Variants in AP3B1 observed in about 807,000 individuals in gnomAD.
AP3B1 encodes the protein adaptor related protein complex 3 subunit beta 1, also known as AP-3 complex subunit beta-1.
AP3B1 carries 61 observed loss-of-function variants against 132.5 expected under a neutral mutation model. The observed-to-expected ratio is 0.46, with a 90% confidence interval of 0.37 to 0.57. The LOEUF (loss-of-function observed/expected upper bound fraction) is 0.57, where lower values mean the gene tolerates loss of function less well. Among genes scored for constraint, AP3B1 ranks in the 20% least tolerant of loss-of-function variants. The pLI, the probability that AP3B1 is intolerant of heterozygous loss-of-function variation, is 0.00. For missense variants in AP3B1, 1,120 were observed against 1,289.4 expected (o/e 0.87, Z 2.01); for synonymous variants, 388 against 438.3 (o/e 0.89, Z 1.43).
intron 20 of AP3B1, among the ~76,000 whole-genome samples, chr5:78,105,165 T>C (rs950051817): frequency 9.2e-5 from 14 of 152,118 alleles, no homozygotes; most frequent in African/African-American, 3.4e-4. Context: ...AATTTAAAGT[T>C]TTTATCATTT....
intron 11 of AP3B1, among the ~76,000 whole-genome samples, chr5:78,169,006 T>C (rs1743785105): frequency 6.6e-6 from 1 of 152,222 alleles, no homozygotes; most frequent in Non-Finnish European, 1.5e-5. Context: ...CATTCTAATA[T>C]TGAACAGTCT....
chr5:78,204,148 T>C (rs1032705253), intron 7 of AP3B1, among the ~76,000 whole-genome samples: 1 of 152,188 alleles, frequency 6.6e-6, no homozygotes. Context: ...ACATTCCTCA[T>C]CGTTTTCTGC....
intron 19 of AP3B1, among the ~76,000 whole-genome samples, chr5:78,111,224 C>G (rs1751576858): frequency 6.6e-6 from 1 of 152,118 alleles, no homozygotes; most frequent in African/African-American, 2.4e-5. Context: ...AAAGTACTAT[C>G]TTGCTAAAAA....
At chr5:78,221,532 A>G (rs896240369) in intron 6 of AP3B1, among the ~76,000 whole-genome samples, 8 of 151,980 alleles carry the variant, frequency 5.3e-5, no homozygotes, top group African/African-American at 1.9e-4. Context: ...AGCAAAAATA[A>G]TCAGATGTGA....
At position 78,018,701 on chromosome 5, in the gene AP3B1, C is replaced by CA. The variant is rs1561356231; in HGVS notation, c.2992+1990_2992+1991insT. ...ACACACACACACACACACACACACACCCCTTAAATTTACTTGCATTTTACC... is the reference window on the plus strand; with the variant it reads ...ACACACACACACACACACACACACACACCCTTAAATTTACTTGCATTTTACC... On this transcript the variant is annotated intron_variant, in intron 25 of 26. Coordinates refer to ENST00000255194, the MANE Select transcript of AP3B1 (RefSeq NM_003664.5). Among the ~76,000 whole-genome samples, 1,395 of 150,268 alleles carry CA rather than the reference C, an allele frequency of 9.3e-3. 28 individuals carry two copies. Among genetic ancestry groups the CA allele is most frequent in the African/African-American group, 0.031 (1,279 of 40,924 alleles).
chr5:78,037,625 T>C (rs905579529), intron 23 of AP3B1, among the ~76,000 whole-genome samples: 1 of 152,044 alleles, frequency 6.6e-6, no homozygotes, highest in Non-Finnish European at 1.5e-5. Context: ...GAGGAGAAAA[T>C]TCAGCAATGC....
chr5:78,091,078 C>T (rs1750490354), intron 21 of AP3B1, among the ~76,000 whole-genome samples: 1 of 152,074 alleles, frequency 6.6e-6, no homozygotes, highest in South Asian at 2.1e-4. Flanking sequence ...TGTGCCACAA[C>T]ACCCAGCTGT....
At chr5:78,001,518 C>T (rs1746203064), downstream of AP3B1, 3 of 152,160 alleles carry the variant, frequency 2.0e-5, no homozygotes, top group Admixed American at 2.0e-4. Context: ...ATTCTCTTCC[C>T]GGAGATTCAG....
intron 7 of AP3B1, 52 bp from the exon 8 acceptor site, chr5:78,181,714 C>T: frequency 6.6e-7 from 1 of 1,519,716 alleles, no homozygotes; most frequent in Non-Finnish European, 9.0e-7. Context: ...GAGCAATCTG[C>T]ATATTATATA....
At chr5:78,254,695 AG>A (rs1177336459) in intron 2 of AP3B1, among the ~76,000 whole-genome samples, 1 of 152,228 alleles carries the variant, frequency 6.6e-6, no homozygotes, top group Non-Finnish European at 1.5e-5. Flanking sequence ...GAAATGCTAA[AG>A]GGAGTACTTC....
intron 7 of AP3B1, among the ~76,000 whole-genome samples, chr5:78,210,627 A>G (rs941028164): frequency 6.6e-6 from 1 of 152,128 alleles, no homozygotes; most frequent in African/African-American, 2.4e-5. Context: ...TAACTTCCAA[A>G]TCACTGAAGT....
intron 7 of AP3B1, among the ~76,000 whole-genome samples, chr5:78,194,726 G>A (rs1186476625): frequency 6.6e-6 from 1 of 152,148 alleles, no homozygotes; most frequent in Non-Finnish European, 1.5e-5. Context: ...AAGTGACTAT[G>A]CTAAATCATG....
chr5:78,245,474 G>A (rs903640922), intron 2 of AP3B1, among the ~76,000 whole-genome samples: 1 of 152,154 alleles, frequency 6.6e-6, no homozygotes, highest in East Asian at 1.9e-4. Flanking sequence ...ATGGCAATTA[G>A]GAGACTTTCC....
intron 1 of AP3B1, among the ~76,000 whole-genome samples, chr5:78,284,283 G>A (rs562787808): frequency 9.2e-5 from 14 of 152,200 alleles, no homozygotes; most frequent in Non-Finnish European, 2.9e-5. Context: ...TGTCTGCCTG[G>A]TATACACAGG....
At position 78,002,741 on chromosome 5, in the gene AP3B1, T is replaced by C. The variant is rs1440106437; in HGVS notation, c.*161A>G. On this transcript the variant is annotated 3_prime_UTR_variant, in exon 27 of 27. Transcript: ENST00000255194. ...AAGGGGGAAAGTATTGCATACATGA[T>C]AGATACACACTAGCATTCTAAAGCA... The C allele has an allele frequency of 1.7e-5, 14 of 834,212 alleles. No homozygotes were observed. Among genetic ancestry groups the C allele is most frequent in the Non-Finnish European group, 2.8e-5 (14 of 491,336 alleles). 51.7% of individuals were successfully genotyped at this position (834,212 alleles called of 1,614,324 possible).
intron 2 of AP3B1, among the ~76,000 whole-genome samples, chr5:78,255,174 G>A (rs1747800282): frequency 6.6e-6 from 1 of 151,956 alleles, no homozygotes; most frequent in Admixed American, 6.6e-5. Context: ...AGGAAGGAAA[G>A]AAAGAAGGAA....
chr5:78,097,660 G>GC, intron 21 of AP3B1, among the ~76,000 whole-genome samples: 1 of 149,132 alleles, frequency 6.7e-6, no homozygotes, highest in Non-Finnish European at 1.5e-5. Context: ...GAGGTGGGGG[G>GC]GTCAGCCCCC....
intron 2 of AP3B1, among the ~76,000 whole-genome samples, chr5:78,242,998 G>A (rs1234871763): frequency 3.3e-5 from 5 of 152,176 alleles, no homozygotes; most frequent in Non-Finnish European, 5.9e-5. Flanking sequence ...ATATAAATAT[G>A]TGATACTTGA....
At chr5:78,072,615 C>T (rs1749586233) in intron 22 of AP3B1, among the ~76,000 whole-genome samples, 2 of 150,578 alleles carry the variant, frequency 1.3e-5, no homozygotes, top group Admixed American at 1.3e-4. Context: ...TGAAAAACAG[C>T]TGCAAATTTA....
Sources: allele counts gnomAD v4.1 joint callset (sites outside exome capture counted in the v4.1 genomes callset), GRCh38; gene constraint gnomAD v4.1.1; transcripts MANE v1.5; gene names NCBI Gene and HGNC (gene_info 2026-07-23, HGNC 2026-07-21).